MYT1L: variants seen among roughly 807,000 people sequenced by gnomAD.
MYT1L encodes the protein myelin transcription factor 1-like protein.
In MYT1L, 12 loss-of-function variants were observed where a neutral mutation model predicts 126.7. That is an observed-to-expected ratio of 0.09 (90% CI 0.06 to 0.15). MYT1L has a LOEUF of 0.15. Ranked by LOEUF, MYT1L falls within the 10% of genes least tolerant of loss-of-function variation. The pLI is 1.00. For missense variants in MYT1L, 979 were observed against 1,585.2 expected (o/e 0.62, Z 6.49); for synonymous variants, 541 against 604.2 (o/e 0.90, Z 1.53).
At chr2:2,172,483 C>A (rs1333016741) in intron 3 of MYT1L, among the ~76,000 whole-genome samples, 1 of 152,204 alleles carries the variant, frequency 6.6e-6, no homozygotes, top group Non-Finnish European at 1.5e-5. Context: ...GGAGAGGATG[C>A]GCAATGCAAC....
chr2:1,839,559 C>T (rs2041372552), intron 20 of MYT1L, among the ~76,000 whole-genome samples, 189 bp from the exon 21 acceptor site: 1 of 152,224 alleles, frequency 6.6e-6, no homozygotes, highest in Admixed American at 6.5e-5. Context: ...GAACACTGAA[C>T]TGTTTCCCCT....
chr2:2,263,423 G>A (rs1036173699), intron 2 of MYT1L, among the ~76,000 whole-genome samples: 1 of 152,100 alleles, frequency 6.6e-6, no homozygotes, highest in Non-Finnish European at 1.5e-5. Flanking sequence ...CAATTCCAAT[G>A]CATAAATCAA....
intron 19 of MYT1L, among the ~76,000 whole-genome samples, chr2:1,847,754 G>C (rs2042693951): frequency 6.6e-6 from 1 of 152,208 alleles, no homozygotes; most frequent in South Asian, 2.1e-4. Flanking sequence ...GTAGGCATTT[G>C]GTCAACAGGG....
rs6741451 is a variant in MYT1L at position 1,839,015 on chromosome 2, C to T, written c.3080+134G>A. The T allele has an allele frequency of 0.054, 43,137 of 796,360 alleles. 2,273 individuals are homozygous for T. Among genetic ancestry groups the T allele is most frequent in the African/African-American group, 0.23 (13,141 of 57,246 alleles). 49.3% of individuals were successfully genotyped at this position (796,360 alleles called of 1,614,324 possible). A position where few individuals can be genotyped will look rare whatever the true frequency, so the allele number is the denominator to read the frequency against. On this transcript the variant is annotated intron_variant, in intron 21 of 24. Transcript: ENST00000647738. The stretch of plus-strand genomic sequence containing the variant: ...ACCCTTGAATTTTGTTAGGTTGGTA[C>T]GATAGTTTTCAGCCTTTTCTTTCTA...
chr2:2,137,872 C>T (rs937817954), intron 3 of MYT1L, among the ~76,000 whole-genome samples: 1 of 152,034 alleles, frequency 6.6e-6, no homozygotes, highest in Non-Finnish European at 1.5e-5. Flanking sequence ...TTCTGCACAG[C>T]AAAAGAAACT....
intron 3 of MYT1L, among the ~76,000 whole-genome samples, chr2:2,056,883 A>G (rs993283333): frequency 2.6e-5 from 4 of 152,174 alleles, no homozygotes; most frequent in African/African-American, 7.2e-5. Flanking sequence ...AATGAGAATG[A>G]GTGGGTTTTT....
intron 4 of MYT1L, among the ~76,000 whole-genome samples, chr2:2,022,253 T>A (rs1444231910): frequency 1.3e-5 from 2 of 152,132 alleles, no homozygotes; most frequent in Non-Finnish European, 2.9e-5. Flanking sequence ...TACAAGTGGA[T>A]TCTTTCTCTC....
chr2:1,982,599 T>C (rs2060692315), intron 5 of MYT1L, among the ~76,000 whole-genome samples: 1 of 152,138 alleles, frequency 6.6e-6, no homozygotes, highest in African/African-American at 2.4e-5. Flanking sequence ...GTGGTGAGGG[T>C]GTGTTCCTCA....
intron 2 of MYT1L, among the ~76,000 whole-genome samples, chr2:2,268,956 C>T (rs1032051753): frequency 7.2e-5 from 11 of 152,194 alleles, no homozygotes; most frequent in African/African-American, 2.7e-4. Context: ...TTTTAGTGCA[C>T]ACCTGAGCAG....
intron 1 of MYT1L, among the ~76,000 whole-genome samples, chr2:2,316,504 C>T (rs1231793740): frequency 2.0e-5 from 3 of 152,206 alleles, no homozygotes; most frequent in African/African-American, 4.8e-5. Flanking sequence ...AAGGATCATG[C>T]CAAGCCATGT....
At chr2:1,905,296 A>C (rs1573436091) in intron 13 of MYT1L, among the ~76,000 whole-genome samples, 2 of 152,294 alleles carry the variant, frequency 1.3e-5, no homozygotes, top group South Asian at 4.1e-4. Context: ...AGCAGGAAAA[A>C]ACAAAAGGTG....
intron 3 of MYT1L, among the ~76,000 whole-genome samples, chr2:2,158,022 T>C (rs1000635307): frequency 1.3e-5 from 2 of 152,234 alleles, no homozygotes; most frequent in African/African-American, 4.8e-5. Context: ...CCTAGGTCTC[T>C]TGCCCTTTCC....
chr2:2,307,661 C>G (rs965399063), intron 1 of MYT1L, among the ~76,000 whole-genome samples: 4 of 152,032 alleles, frequency 2.6e-5, no homozygotes, highest in Non-Finnish European at 5.9e-5. Flanking sequence ...GTACACTCTA[C>G]CTATACTCCA....
At position 1,996,846 on chromosome 2, in the gene MYT1L, G is replaced by A. The variant is rs56144804; in HGVS notation, c.-1+345C>T. ...GCACAGAACCGAGTGTAGACGGGCCGCCTTTACCTAGTGAGTGAGGGCCGC... is the reference window on the plus strand; with the variant it reads ...GCACAGAACCGAGTGTAGACGGGCCACCTTTACCTAGTGAGTGAGGGCCGC... On this transcript the variant is annotated intron_variant, in intron 5 of 24. Coordinates refer to ENST00000647738, the MANE Select transcript of MYT1L (RefSeq NM_001303052.2). Among the ~76,000 whole-genome samples the A allele has an allele frequency of 1.6e-3, 227 of 143,012 alleles. 1 individual carries two copies. The highest frequency in any genetic ancestry group is 5.8e-3 in the African/African-American group (220 of 37,870). 93.8% of individuals were successfully genotyped at this position (143,012 alleles called of 152,430 possible).
chr2:2,085,123 A>G (rs1558961686), intron 3 of MYT1L, among the ~76,000 whole-genome samples: 1 of 152,070 alleles, frequency 6.6e-6, no homozygotes, highest in Non-Finnish European at 1.5e-5. Context: ...CTATCTGCAC[A>G]GTTTCTTTTC....
intron 18 of MYT1L, among the ~76,000 whole-genome samples, chr2:1,876,939 G>A (rs1010675330): frequency 6.6e-6 from 1 of 152,220 alleles, no homozygotes; most frequent in Admixed American, 6.5e-5. Context: ...GACATGGCTT[G>A]CTCACCCTGC....
chr2:2,102,134 G>C (rs1477904335), intron 3 of MYT1L, among the ~76,000 whole-genome samples: 1 of 152,112 alleles, frequency 6.6e-6, no homozygotes, highest in Admixed American at 6.5e-5. Flanking sequence ...GGGGGAAGCT[G>C]TTTTAGAGTG....
intron 21 of MYT1L, among the ~76,000 whole-genome samples, chr2:1,836,811 A>G (rs1398248110): frequency 1.3e-5 from 2 of 152,094 alleles, no homozygotes; most frequent in Admixed American, 6.5e-5. Flanking sequence ...CTGCACCCCA[A>G]TATTCCATCA....
chr2:2,116,539 A>G (rs564117970), intron 3 of MYT1L, among the ~76,000 whole-genome samples: 55 of 152,354 alleles, frequency 3.6e-4, no homozygotes, highest in African/African-American at 1.3e-3. Context: ...GTGGGTCCCC[A>G]GTGAGCCATG....
Sources: allele counts gnomAD v4.1 joint callset (sites outside exome capture counted in the v4.1 genomes callset), GRCh38; gene constraint gnomAD v4.1.1; transcripts MANE v1.5; gene names NCBI Gene and HGNC (gene_info 2026-07-23, HGNC 2026-07-21).